PRTFDC1: variants seen among roughly 807,000 people sequenced by gnomAD.
The protein encoded by PRTFDC1 is phosphoribosyl transferase domain containing 1, also known as phosphoribosyltransferase domain-containing protein 1.
PRTFDC1 carries 38 observed loss-of-function variants against 34.6 expected under a neutral mutation model. The observed-to-expected ratio is 1.10, with a 90% CI of 0.85 to 1.44. The LOEUF is 1.44. Among genes scored for constraint, PRTFDC1 ranks in the 40% most tolerant of loss-of-function variants. The pLI is 0.00. For missense variants in PRTFDC1, 270 were observed against 283.0 expected (o/e 0.95, Z 0.33); for synonymous variants, 93 against 98.1 (o/e 0.95, Z 0.31).
intron 3 of PRTFDC1, among the ~76,000 whole-genome samples, chr10:24,909,095 A>G (rs1312055038): frequency 6.6e-6 from 1 of 152,210 alleles, no homozygotes; most frequent in African/African-American, 2.4e-5. Context: ...TTCCTGGGCA[A>G]CACAGTAAGA....
In PRTFDC1 at chr10:24,880,805, C is replaced by CTT. The variant is rs1245735401; in HGVS notation, c.340-8743_340-8742insAA. Among the ~76,000 whole-genome samples the CTT allele has an allele frequency of 4.1e-5, 6 of 147,540 alleles. No homozygotes were observed. In the South Asian group the frequency reaches 1.3e-3, roughly 32 times the overall value. ...GCAAAATTTCCATCATTCCACTTTA[C>CTT]TGTCTTTCTCTTTCTTTCTTTCTTT... is the stretch of plus-strand genomic sequence containing the variant. On this transcript the variant is annotated intron_variant, in intron 3 of 8. Transcript: ENST00000320152.
intron 4 of PRTFDC1, among the ~76,000 whole-genome samples, chr10:24,863,996 A>T (rs1415843570): frequency 7.0e-6 from 1 of 143,028 alleles, no homozygotes; most frequent in Non-Finnish European, 1.5e-5. Context: ...CACCAGCGAC[A>T]GAGCAACAAC....
chr10:24,940,363 T>A (rs12250911), intron 2 of PRTFDC1, among the ~76,000 whole-genome samples: 30,602 of 152,058 alleles, frequency 0.2, 3,424 homozygotes, highest in African/African-American at 0.3. Flanking sequence ...TATAAAGAAC[T>A]CTTATAGTTC....
intron 3 of PRTFDC1, among the ~76,000 whole-genome samples, chr10:24,893,705 G>A (rs761850336): frequency 4.6e-5 from 7 of 152,148 alleles, no homozygotes; most frequent in Non-Finnish European, 5.9e-5. Flanking sequence ...GTGCAGGGTC[G>A]TACTTACTTG....
intron 3 of PRTFDC1, among the ~76,000 whole-genome samples, chr10:24,914,377 T>C (rs1402107096): frequency 6.6e-6 from 1 of 152,222 alleles, no homozygotes; most frequent in Non-Finnish European, 1.5e-5. Flanking sequence ...CTTTCTATTT[T>C]GTGAACTAGG....
chr10:24,851,893 G>A (rs576231626), intron 7 of PRTFDC1, among the ~76,000 whole-genome samples: 3 of 151,902 alleles, frequency 2.0e-5, no homozygotes, highest in South Asian at 2.1e-4. Flanking sequence ...ACAGGTGCGC[G>A]GGCCACAGCA....
intron 3 of PRTFDC1, among the ~76,000 whole-genome samples, chr10:24,911,555 T>C (rs1848627314): frequency 6.6e-6 from 1 of 152,208 alleles, no homozygotes; most frequent in South Asian, 2.1e-4. Context: ...AATATTTGCA[T>C]ACCAGCCTTT....
At chr10:24,887,105 G>A (rs1848181901) in intron 3 of PRTFDC1, among the ~76,000 whole-genome samples, 1 of 150,726 alleles carries the variant, frequency 6.6e-6, no homozygotes, top group Non-Finnish European at 1.5e-5. Context: ...CGAGTAGCTG[G>A]GACTACAGGC....
chr10:24,887,438 C>G lies in PRTFDC1; in HGVS notation c.340-15375G>C, dbSNP rs538900683. ...TTGTTCTCATCATAGTGAGTTCTCA[C>G]GAGATCTGATGGTTTTATAAGGGCT... On this transcript the variant is annotated intron_variant, in intron 3 of 8. Transcript: ENST00000320152. Among the ~76,000 whole-genome samples, 2 of 144,164 alleles carry G rather than the reference C, an allele frequency of 1.4e-5. 1 individual carries two copies. The highest frequency in any genetic ancestry group is 1.4e-4 in the Admixed American group (2 of 14,340). The allele number at this position is 144,164 out of a possible 152,430, so 94.6% of individuals were successfully genotyped here.
At chr10:24,885,343 T>G (rs1447594340) in intron 3 of PRTFDC1, among the ~76,000 whole-genome samples, 3 of 152,150 alleles carry the variant, frequency 2.0e-5, no homozygotes, top group African/African-American at 7.2e-5. Flanking sequence ...GCAATCACAC[T>G]CCTTAATATT....
At chr10:24,903,540 T>G (rs566947939) in intron 3 of PRTFDC1, among the ~76,000 whole-genome samples, 1 of 152,284 alleles carries the variant, frequency 6.6e-6, no homozygotes, top group East Asian at 1.9e-4. Context: ...GCTTCTATTT[T>G]AATACAATCA....
In PRTFDC1 at chr10:24,849,698, A is replaced by G. The variant is rs961503065; in HGVS notation, c.*146T>C. 3.7e-5 allele frequency: 25 copies of G among 683,750 alleles called. No individual in the cohort carries two copies. Among genetic ancestry groups the G allele is most frequent in the Non-Finnish European group, 5.1e-5 (20 of 394,480 alleles). 42.4% of individuals were successfully genotyped at this position (683,750 alleles called of 1,614,324 possible). A position where few individuals can be genotyped will look rare whatever the true frequency, so the allele number is the denominator to read the frequency against. On this transcript the variant is annotated 3_prime_UTR_variant, in exon 9 of 9. Transcript: ENST00000320152. Reference sequence around the variant, plus strand: ...TTGATACTCTTTATATTAACCTCAGAAAAGAAAGCTCTCTCATTTGAACAT... The same window carrying G: ...TTGATACTCTTTATATTAACCTCAGGAAAGAAAGCTCTCTCATTTGAACAT...
At chr10:24,915,103 A>G (rs1848676808) in intron 3 of PRTFDC1, among the ~76,000 whole-genome samples, 1 of 152,204 alleles carries the variant, frequency 6.6e-6, no homozygotes. Flanking sequence ...AAAGTTGAAA[A>G]AAACAATCTC....
At chr10:24,856,481 G>A (rs1022100470) in intron 6 of PRTFDC1, among the ~76,000 whole-genome samples, 3 of 151,968 alleles carry the variant, frequency 2.0e-5, no homozygotes, top group African/African-American at 7.3e-5. Context: ...CCAGCTACTC[G>A]GGAAGCTGAG....
chr10:24,852,709 T>G (rs944596915), intron 7 of PRTFDC1, among the ~76,000 whole-genome samples: 1 of 152,240 alleles, frequency 6.6e-6, no homozygotes, highest in Non-Finnish European at 1.5e-5. Flanking sequence ...TTTCAGTGTT[T>G]TGGAATCTTA....
chr10:24,951,746 A>G (rs1219374185), intron 1 of PRTFDC1: 1 of 318,240 alleles, frequency 3.1e-6, no homozygotes, highest in African/African-American at 2.3e-5. Flanking sequence ...CCACAAGGTC[A>G]AGAACGGGTT....
chr10:24,859,329 C>G (rs570736402), intron 4 of PRTFDC1, among the ~76,000 whole-genome samples: 2 of 152,126 alleles, frequency 1.3e-5, no homozygotes, highest in Non-Finnish European at 2.9e-5. Flanking sequence ...GTGCTATCTC[C>G]GTTCACTGTA....
At position 24,855,367 on chromosome 10, in the gene PRTFDC1, A is replaced by T. The variant is rs1398877093; in HGVS notation, c.507-3T>A. The T allele has an allele frequency of 6.2e-7, 1 of 1,614,050 alleles. No homozygotes were observed. The highest frequency in any genetic ancestry group is 1.7e-5 in the Admixed American group (1 of 60,004). ...TGGATGTTCTCTTCACCAACAAACT[A>T]CCATTAAAAAAGACATGCTTTAGTG... On this transcript the variant is annotated splice_polypyrimidine_tract_variant and splice_region_variant and intron_variant, in intron 6 of 8. Transcript: ENST00000320152.
intron 1 of PRTFDC1, chr10:24,951,446 C>T (rs1261816039): frequency 1.7e-6 from 1 of 594,896 alleles, no homozygotes; most frequent in African/African-American, 2.0e-5. Flanking sequence ...AACTCCTCAT[C>T]CTTTCAGAAG....
Sources: allele counts gnomAD v4.1 joint callset (sites outside exome capture counted in the v4.1 genomes callset), GRCh38; gene constraint gnomAD v4.1.1; transcripts MANE v1.5; gene names NCBI Gene and HGNC (gene_info 2026-07-23, HGNC 2026-07-21).